CHLSN: variants seen among roughly 807,000 people sequenced by gnomAD.
CHLSN encodes the protein protein cholesin.
chr7:992,566 C>T, the CHLSN span, among the ~76,000 whole-genome samples: 1 of 152,262 alleles, frequency 6.6e-6, no homozygotes, highest in Non-Finnish European at 1.5e-5. Context: ...GGGCCTGGGG[C>T]CTTGTCCAGT....
At chr7:1,115,583 G>T in the CHLSN span, among the ~76,000 whole-genome samples, 15 of 116,042 alleles carry the variant, frequency 1.3e-4, no homozygotes, top group East Asian at 1.3e-3. Flanking sequence ...CCAACGCCCA[G>T]GCAGGATGGC....
At chr7:988,801 G>T in the CHLSN span, 1 of 1,588,550 alleles carries the variant, frequency 6.3e-7, no homozygotes. Flanking sequence ...CCCAGGCCCT[G>T]TGTGCGGTGC....
the CHLSN span, among the ~76,000 whole-genome samples, chr7:1,126,292 G>A: frequency 6.0e-5 from 9 of 149,060 alleles, no homozygotes; most frequent in East Asian, 7.9e-4. Context: ...CCTGGGAGGC[G>A]GAGCTGGCAG....
At chr7:1,120,337 G>A in the CHLSN span, among the ~76,000 whole-genome samples, 3 of 152,046 alleles carry the variant, frequency 2.0e-5, no homozygotes, top group Admixed American at 6.6e-5. Context: ...ACAGGGTCTC[G>A]CTCTGTCACC....
the CHLSN span, among the ~76,000 whole-genome samples, chr7:1,037,531 T>G: frequency 6.9e-6 from 1 of 144,166 alleles, no homozygotes; most frequent in Non-Finnish European, 1.6e-5. Context: ...GCAGACGGAG[T>G]CTCGTTCACT....
the CHLSN span, among the ~76,000 whole-genome samples, chr7:1,007,338 G>A: frequency 3.9e-5 from 6 of 152,230 alleles, no homozygotes; most frequent in African/African-American, 7.2e-5. Context: ...AGGACAACTC[G>A]GGCACCTACC....
At chr7:1,033,114 G>A in the CHLSN span, among the ~76,000 whole-genome samples, 1 of 152,196 alleles carries the variant, frequency 6.6e-6, no homozygotes, top group Non-Finnish European at 1.5e-5. Flanking sequence ...GTAGAACCCT[G>A]ATACCCAAAC....
the CHLSN span, among the ~76,000 whole-genome samples, chr7:1,071,005 C>T: frequency 3.4e-5 from 5 of 146,756 alleles, no homozygotes; most frequent in Non-Finnish European, 6.2e-5. Flanking sequence ...CACGTGCACA[C>T]GCACATGCAC....
At chr7:1,015,473 C>T in the CHLSN span, among the ~76,000 whole-genome samples, 2 of 152,256 alleles carry the variant, frequency 1.3e-5, no homozygotes, top group Admixed American at 6.5e-5. Flanking sequence ...CAGGCATCCA[C>T]GCCGCTCTGG....
At chr7:999,295 GGCTTGGCCCGCATGCTGGAATCA>G in the CHLSN span, among the ~76,000 whole-genome samples, 1 of 152,254 alleles carries the variant, frequency 6.6e-6, no homozygotes, top group Non-Finnish European at 1.5e-5. Flanking sequence ...ACATGGAACA[GGCTTGGCCCGCATGCTGGAATCA>G]GCTGCGCCGG....
At chr7:1,006,588 A>C in the CHLSN span, among the ~76,000 whole-genome samples, 4 of 123,858 alleles carry the variant, frequency 3.2e-5, no homozygotes, top group Non-Finnish European at 5.2e-5. Context: ...CAGCGCAGGG[A>C]AAGAGCGCAC....
chr7:1,127,159 T>C, the CHLSN span: 1 of 1,414,894 alleles, frequency 7.1e-7, no homozygotes, highest in Non-Finnish European at 9.4e-7. Context: ...CAGGCTCTGC[T>C]CCACAGAGAC....
chr7:1,028,264 C>A, the CHLSN span: 1 of 1,094,650 alleles, frequency 9.1e-7, no homozygotes, highest in African/African-American at 1.7e-5. Context: ...TGACCTCTGA[C>A]CCGGCTGTCA....
At chr7:1,026,179 T>A in the CHLSN span, 2 of 152,324 alleles carry the variant, frequency 1.3e-5, no homozygotes, top group African/African-American at 4.8e-5. Context: ...CAGGTAGGGC[T>A]GGGCGGCTCC....
At chr7:1,002,248 T>C in the CHLSN span, among the ~76,000 whole-genome samples, 1 of 59,890 alleles carries the variant, frequency 1.7e-5, no homozygotes, top group Non-Finnish European at 3.2e-5. Flanking sequence ...TGCGGGTGAG[T>C]GGAGTCCTGT....
the CHLSN span, chr7:983,471 C>T: frequency 7.8e-7 from 1 of 1,286,492 alleles, no homozygotes; most frequent in Non-Finnish European, 1.0e-6. Flanking sequence ...GCCCGGTTTC[C>T]ACTGCCTGTT....
the CHLSN span, among the ~76,000 whole-genome samples, chr7:1,108,779 G>A: frequency 1.5e-3 from 224 of 152,194 alleles, no homozygotes; most frequent in Non-Finnish European, 2.1e-3. Flanking sequence ...CTTTGATGCC[G>A]ATGGGGGCCA....
At chr7:980,995 C>T in the CHLSN span, among the ~76,000 whole-genome samples, 2 of 152,108 alleles carry the variant, frequency 1.3e-5, no homozygotes, top group Admixed American at 6.5e-5. Flanking sequence ...GCCTGGCCAA[C>T]GAGTTACTTT....
At chr7:988,895 C>T in the CHLSN span, 5 of 963,750 alleles carry the variant, frequency 5.2e-6, no homozygotes, top group East Asian at 7.9e-5. Flanking sequence ...TCTCTCCTCC[C>T]ACCCCACAGC....
Sources: gnomAD v4.1 joint callset for allele counts (sites outside exome capture counted in the v4.1 genomes callset) on GRCh38, gnomAD v4.1.1 for gene constraint, MANE v1.5 for transcripts, NCBI Gene and HGNC (gene_info 2026-07-23, HGNC 2026-07-21) for gene names.